Variants in PCDHGA9 observed in about 807,000 individuals in gnomAD.
The protein encoded by PCDHGA9 is protocadherin gamma subfamily A, 9.
PCDHGA9 carries 37 observed loss-of-function variants against 62.5 expected under a neutral mutation model. The observed-to-expected ratio is 0.59, with a 90% CI of 0.46 to 0.78. PCDHGA9 has a LOEUF of 0.78. PCDHGA9 is among the 30% of genes least tolerant of loss of function. The pLI is 0.00. For missense variants in PCDHGA9, 1,138 were observed against 1,166.2 expected (o/e 0.98, Z 0.35); for synonymous variants, 459 against 484.6 (o/e 0.95, Z 0.69).
intron 1 of PCDHGA9, among the ~76,000 whole-genome samples, chr5:141,443,191 A>G (rs2098371862): frequency 6.6e-6 from 1 of 152,122 alleles, no homozygotes; most frequent in Non-Finnish European, 1.5e-5. Flanking sequence ...CATTCTCTAT[A>G]GTACAAAGAG....
At position 141,402,800 on chromosome 5, in the gene PCDHGA9, C is replaced by A; in HGVS notation, c.-153C>A. Reference sequence around the variant, plus strand: ...TCCAGTTCTGCGGCTACACAAAACCCGGCAGATACCACAAACCTGCTCCCA... The same window carrying A: ...TCCAGTTCTGCGGCTACACAAAACCAGGCAGATACCACAAACCTGCTCCCA... On this transcript the variant is annotated 5_prime_UTR_variant, in exon 1 of 4. Coordinates refer to ENST00000573521, the MANE Select transcript of PCDHGA9 (RefSeq NM_018921.3). 9.3e-7 allele frequency: 1 copy of A among 1,072,728 alleles called. No homozygotes were observed. Among genetic ancestry groups the A allele is most frequent in the Non-Finnish European group, 1.3e-6 (1 of 780,570 alleles). 66.5% of individuals were successfully genotyped at this position (1,072,728 alleles called of 1,614,324 possible). A position where few individuals can be genotyped will look rare whatever the true frequency, so the allele number is the denominator to read the frequency against.
intron 1 of PCDHGA9, chr5:141,413,154 A>G: frequency 6.3e-7 from 1 of 1,576,026 alleles, no homozygotes; most frequent in Middle Eastern, 1.7e-4. Context: ...AGGACTTTGC[A>G]GAATTCTGTA....
Position 141,404,984 on chromosome 5 carries a change from C to A in PCDHGA9, c.2032C>A (p.Leu678Ile), listed in dbSNP as rs779919758. 1 of 1,614,034 alleles carries A rather than the reference C, an allele frequency of 6.2e-7. No individual in the cohort carries two copies. Among genetic ancestry groups the A allele is most frequent in the Middle Eastern group, 1.6e-4 (1 of 6,062 alleles). Residue 678 changes from leucine to isoleucine, a missense_variant, in exon 1 of 4, where the codon CTT becomes ATT. By Grantham distance (5) the Leu-to-Ile change is conservative. Coordinates refer to ENST00000573521, the MANE Select transcript of PCDHGA9 (RefSeq NM_018921.3). ...IPDILADLGSLQIPADLEASD... is the reference protein window; with the variant it reads ...IPDILADLGSIQIPADLEASD... Reference sequence around the variant, plus strand: ...AGACATCCTGGCTGACCTGGGCAGTCTTCAGATCCCTGCAGACCTGGAGGC... The same window carrying A: ...AGACATCCTGGCTGACCTGGGCAGTATTCAGATCCCTGCAGACCTGGAGGC...
rs201412037 is a variant in PCDHGA9, at chr5:141,421,093, A to G, written c.2424+15717A>G. The G allele has an allele frequency of 3.5e-5, 23 of 665,630 alleles. No homozygotes were observed. In the East Asian group the frequency reaches 6.2e-4, roughly 18 times the overall value. 41.2% of individuals were successfully genotyped at this position (665,630 alleles called of 1,614,324 possible). On this transcript the variant is annotated intron_variant, in intron 1 of 3. Coordinates refer to ENST00000573521, the MANE Select transcript of PCDHGA9 (RefSeq NM_018921.3). ...GAGATGGATACTCACAGATCCTGAC[A>G]CTGGAGACTTAGAAGTATTTTCCTT... is the stretch of plus-strand genomic sequence containing the variant.
chr5:141,477,737 G>T lies in PCDHGA9; in HGVS notation c.2425-17070G>T, dbSNP rs1178108717. 1.2e-6 allele frequency: 2 copies of T among 1,613,846 alleles called. No homozygotes were observed. Among genetic ancestry groups the T allele is most frequent in the South Asian group, 1.1e-5 (1 of 91,088 alleles). ...ATTTGAATTAACAGCTCATATCAGC[G>T]ATGGGGGCACCCCGGTCCTAGCCAC... On this transcript the variant is annotated intron_variant, in intron 1 of 3. Coordinates refer to ENST00000573521, the MANE Select transcript of PCDHGA9 (RefSeq NM_018921.3). This position sits in a 1 kb window ranked among gnomAD's most constrained non-coding sequence, Gnocchi z 4.9.
chr5:141,428,098 A>C (rs1387848300), intron 1 of PCDHGA9: 1 of 1,608,664 alleles, frequency 6.2e-7, no homozygotes, highest in South Asian at 1.1e-5. Context: ...CTGTCCTACC[A>C]CGTGCTGCAG....
chr5:141,427,726 T>G (rs2097061742), intron 1 of PCDHGA9: 1 of 1,155,034 alleles, frequency 8.7e-7, no homozygotes, highest in Non-Finnish European at 1.3e-6. Context: ...GACCTAGGGC[T>G]GAATGGCCAA....
Position 141,403,252 on chromosome 5 carries a change from G to A in PCDHGA9, c.300G>A (p.Pro100=), listed in dbSNP as rs180687908. 8.6e-4 allele frequency: 1,389 copies of A among 1,613,900 alleles called. 2 individuals carry two copies. Among genetic ancestry groups the A allele is most frequent in the Non-Finnish European group, 1.1e-3 (1,338 of 1,179,904 alleles). The change falls in exon 1 of 4, where the codon CCG becomes CCA. Residue 100 remains proline, a synonymous_variant. Transcript: ENST00000573521. Reference sequence around the variant, plus strand: ...GGGAGGAGCTCTGTGCTCAGAGCCCGCGGTGTCTGGTGAACTTTAAAGTCC... The same window carrying A: ...GGGAGGAGCTCTGTGCTCAGAGCCCACGGTGTCTGGTGAACTTTAAAGTCC... ...IDREELCAQS[P]RCLVNFKVLV... is the part of the protein sequence containing the mutation.
intron 1 of PCDHGA9, among the ~76,000 whole-genome samples, chr5:141,480,874 G>A (rs1487409799): frequency 2.6e-5 from 4 of 151,950 alleles, no homozygotes; most frequent in African/African-American, 7.3e-5. Context: ...GTGAAACCCC[G>A]TCTCTACTAA....
At chr5:141,428,293 C>G (rs1278634119) in intron 1 of PCDHGA9, 1 of 716,436 alleles carries the variant, frequency 1.4e-6, no homozygotes, top group South Asian at 1.6e-5. Flanking sequence ...AGCAAAGCTG[C>G]AGATTTACCT....
In PCDHGA9 at chr5:141,404,437, C is replaced by T; in HGVS notation, c.1485C>T (p.Thr495=). 1.9e-6 allele frequency: 3 copies of T among 1,613,094 alleles called. No individual in the cohort carries two copies. The highest frequency in any genetic ancestry group is 2.5e-6 in the Non-Finnish European group (3 of 1,179,240). ...TTATTTACTCCTTGGCAGAGGATAC[C>T]ATCCAAGGGTCTCCTCTCTCCACCT... is the stretch of plus-strand genomic sequence containing the variant. ...SRVIYSLAED[T]IQGSPLSTYV... Residue 495 remains threonine, a synonymous_variant, in exon 1 of 4, where the codon ACC becomes ACT. Coordinates refer to ENST00000573521, the MANE Select transcript of PCDHGA9 (RefSeq NM_018921.3).
At chr5:141,427,386 A>G (rs2097020887) in intron 1 of PCDHGA9, 1 of 459,098 alleles carries the variant, frequency 2.2e-6, no homozygotes, top group Non-Finnish European at 4.4e-6. Context: ...CACTCTGTTC[A>G]AAACACATGA....
intron 1 of PCDHGA9, among the ~76,000 whole-genome samples, chr5:141,474,926 C>T (rs756761848): frequency 1.3e-5 from 2 of 152,218 alleles, no homozygotes; most frequent in Non-Finnish European, 2.9e-5. Context: ...TCATCTCTGG[C>T]TTATATCACA....
In PCDHGA9 at chr5:141,428,010, G is replaced by C. The variant is rs544491298; in HGVS notation, c.2424+22634G>C. The C allele has an allele frequency of 1.2e-4, 192 of 1,603,004 alleles. 6 individuals are homozygous for C. In the South Asian group the frequency reaches 2.0e-3, roughly 17 times the overall value. ...CGATGGCTCCGCACTCTTCGATATA[G>C]TGCCACGCGCCGCAGAGTCCGGCTA... On this transcript the variant is annotated intron_variant, in intron 1 of 3. Transcript: ENST00000573521.
At chr5:141,415,524 C>G in intron 1 of PCDHGA9, 1 of 1,614,154 alleles carries the variant, frequency 6.2e-7, no homozygotes, top group Non-Finnish European at 8.5e-7. Context: ...CGGACACGCT[C>G]ATCAGCCAGG....
In PCDHGA9 at chr5:141,490,751, C is replaced by T. The variant is rs2099703884; in HGVS notation, c.2425-4056C>T. 6.2e-6 allele frequency: 10 copies of T among 1,614,092 alleles called. No individual in the cohort carries two copies. The highest frequency in any genetic ancestry group is 1.7e-5 in the Admixed American group (1 of 60,012). ...AATCAGGTTCAGGGAGCCCCAGCCT[C>T]CTCCTTTGTGTATGTCAACCCAGAG... On this transcript the variant is annotated intron_variant, in intron 1 of 3. Coordinates refer to ENST00000573521, the MANE Select transcript of PCDHGA9 (RefSeq NM_018921.3). This position sits in a 1 kb window ranked among gnomAD's most constrained non-coding sequence, Gnocchi z 5.4.
At chr5:141,406,072 CTT>C (rs530474569) in intron 1 of PCDHGA9, among the ~76,000 whole-genome samples, 69 of 141,430 alleles carry the variant, frequency 4.9e-4, no homozygotes, top group African/African-American at 9.6e-4. Flanking sequence ...ATTCTTACTC[CTT>C]TTTTTTTTTT....
rs1412764202 is a variant in PCDHGA9, at chr5:141,486,708, C to T, written c.2425-8099C>T. The T allele has an allele frequency of 1.2e-6, 2 of 1,614,062 alleles. No individual in the cohort carries two copies. Among genetic ancestry groups the T allele is most frequent in the Non-Finnish European group, 1.7e-6 (2 of 1,180,054 alleles). ...GCTTCCTCTTTCATCTCTCTGAACC[C>T]CCAGACAGGAGCTGTTCATGCTACT... On this transcript the variant is annotated intron_variant, in intron 1 of 3. Coordinates refer to ENST00000573521, the MANE Select transcript of PCDHGA9 (RefSeq NM_018921.3). This position sits in a 1 kb window ranked among gnomAD's most constrained non-coding sequence, Gnocchi z 5.0.
intron 1 of PCDHGA9, among the ~76,000 whole-genome samples, chr5:141,468,273 C>T (rs894110332): frequency 1.4e-5 from 2 of 144,550 alleles, no homozygotes; most frequent in Non-Finnish European, 3.0e-5. Flanking sequence ...TGTGGTGAGC[C>T]GAGACCACGC....
Sources: allele counts gnomAD v4.1 joint callset (sites outside exome capture counted in the v4.1 genomes callset), GRCh38; gene constraint gnomAD v4.1.1; non-coding constraint Gnocchi (gnomAD v3.1); transcripts MANE v1.5; gene names NCBI Gene and HGNC (gene_info 2026-07-23, HGNC 2026-07-21).